ZNF420: variants seen among roughly 807,000 people sequenced by gnomAD.
ZNF420 encodes ATM and p53-associated KZNF protein.
Under a neutral mutation model 44.7 loss-of-function variants are expected in ZNF420, and 31 were observed. The ratio of observed to expected loss-of-function variants is 0.69; its 90% CI spans 0.52 to 0.94. The LOEUF is 0.94. Ranked by LOEUF, ZNF420 falls within the 40% of genes least tolerant of loss-of-function variation. The pLI, the probability that ZNF420 is intolerant of heterozygous loss-of-function variation, is 0.00. For missense variants in ZNF420, 681 were observed against 827.9 expected (o/e 0.82, Z 2.18); for synonymous variants, 245 against 267.4 (o/e 0.92, Z 0.82).
intron 4 of ZNF420, among the ~76,000 whole-genome samples, chr19:37,104,452 G>A (rs1340003359): frequency 2.0e-5 from 3 of 152,144 alleles, no homozygotes; most frequent in Admixed American, 1.3e-4. Context: ...ACATACGTGT[G>A]CATGTGTCTT....
chr19:37,104,125 C>T (rs2146617845), intron 4 of ZNF420, among the ~76,000 whole-genome samples: 1 of 151,226 alleles, frequency 6.6e-6, no homozygotes, highest in East Asian at 2.0e-4. Context: ...TGCTATTCCT[C>T]CCCCCTTCCC....
rs1971529740 is a variant in ZNF420, at chr19:37,129,152, CAT to C, written c.*96_*97del. The C allele has an allele frequency of 3.5e-6, 5 of 1,420,862 alleles. No homozygotes were observed. The highest frequency in any genetic ancestry group is 4.6e-5 in the East Asian group (2 of 43,606). 88.0% of individuals were successfully genotyped at this position (1,420,862 alleles called of 1,614,324 possible). On this transcript the variant is annotated 3_prime_UTR_variant, in exon 5 of 5. Coordinates refer to ENST00000337995, the MANE Select transcript of ZNF420 (RefSeq NM_144689.5). ...TGTGAATATGGGCGCACATTTGCCTCATAAAGCACAGCATCAGATAATTTATG... is the reference window on the plus strand; with the variant it reads ...TGTGAATATGGGCGCACATTTGCCTCAAAGCACAGCATCAGATAATTTATG...
At chr19:37,072,774 A>G (rs1157630839) in intron 1 of ZNF420, among the ~76,000 whole-genome samples, 1 of 152,258 alleles carries the variant, frequency 6.6e-6, no homozygotes, top group Non-Finnish European at 1.5e-5. Context: ...ATATGTTCCA[A>G]TTAAAATACA....
At position 37,130,018 on chromosome 19, in the gene ZNF420, T is replaced by C. The variant is rs1225838109; in HGVS notation, c.*960T>C. 1 of 1,528,172 alleles carries C rather than the reference T, an allele frequency of 6.5e-7. No individual in the cohort carries two copies. Among genetic ancestry groups the C allele is most frequent in the Non-Finnish European group, 8.8e-7 (1 of 1,135,864 alleles). 94.7% of individuals were successfully genotyped at this position (1,528,172 alleles called of 1,614,324 possible). ...ATTTTCTCTTTTTTAGTAACAAATT[T>C]CTGGGCTGAAAATCTCAGCCTTCCT... On this transcript the variant is annotated 3_prime_UTR_variant, in exon 5 of 5. Coordinates refer to ENST00000337995, the MANE Select transcript of ZNF420 (RefSeq NM_144689.5).
chr19:37,098,384 G>T (rs1969579562), intron 4 of ZNF420, among the ~76,000 whole-genome samples: 1 of 152,088 alleles, frequency 6.6e-6, no homozygotes, highest in South Asian at 2.1e-4. Flanking sequence ...GGTATCTATT[G>T]CCTTTTAGGA....
upstream of ZNF420, among the ~76,000 whole-genome samples, chr19:37,076,552 T>C (rs1189319768): frequency 6.6e-6 from 1 of 152,032 alleles, no homozygotes; most frequent in Non-Finnish European, 1.5e-5. Flanking sequence ...GGCCCCAGTG[T>C]GTGATGTTCC....
intron 1 of ZNF420, among the ~76,000 whole-genome samples, chr19:37,032,967 G>GA (rs1449444015): frequency 5.3e-5 from 8 of 152,122 alleles, no homozygotes; most frequent in South Asian, 2.1e-4. Context: ...AAGAGAATTA[G>GA]AAAAAATTAA....
chr19:37,088,918 C>G (rs1362056276), intron 2 of ZNF420, 121 bp from the exon 3 acceptor site: 2 of 593,846 alleles, frequency 3.4e-6, no homozygotes, highest in East Asian at 5.7e-5. Flanking sequence ...GTCTGTCCCC[C>G]TTAGTGTGTG....
At chr19:37,090,160 T>A (rs1249519821) in intron 3 of ZNF420, among the ~76,000 whole-genome samples, 1 of 152,226 alleles carries the variant, frequency 6.6e-6, no homozygotes, top group African/African-American at 2.4e-5. Context: ...GACATTGCAT[T>A]TATTTTATTC....
chr19:37,102,374 C>T (rs1304990570), intron 4 of ZNF420, among the ~76,000 whole-genome samples: 1 of 152,150 alleles, frequency 6.6e-6, no homozygotes, highest in East Asian at 1.9e-4. Context: ...GCACCCCCAG[C>T]TGAGGAGGCT....
At chr19:37,122,612 A>G (rs992384823) in intron 4 of ZNF420, among the ~76,000 whole-genome samples, 4 of 152,058 alleles carry the variant, frequency 2.6e-5, no homozygotes, top group Non-Finnish European at 5.9e-5. Flanking sequence ...TTAAAGTATA[A>G]TTTAAAAAAA....
At chr19:37,021,980 T>C (rs1227975605) in intron 1 of ZNF420, among the ~76,000 whole-genome samples, 1 of 119,874 alleles carries the variant, frequency 8.3e-6, no homozygotes, top group East Asian at 2.7e-4. Context: ...AAAAAATGAA[T>C]AGTTGTACAT....
At chr19:37,083,168 C>CT (rs754635723) in intron 2 of ZNF420, among the ~76,000 whole-genome samples, 5,331 of 137,240 alleles carry the variant, frequency 0.039, 299 homozygotes, top group African/African-American at 0.13. Context: ...CCCGTTTTTG[C>CT]TTTTTTTTTT....
chr19:37,020,508 G>T (rs577182884), intron 1 of ZNF420, among the ~76,000 whole-genome samples: 1 of 152,268 alleles, frequency 6.6e-6, no homozygotes, highest in East Asian at 1.9e-4. Flanking sequence ...TCGGCCAGAA[G>T]CCCCTCTCAG....
intron 1 of ZNF420, among the ~76,000 whole-genome samples, chr19:37,063,771 A>G (rs1967920104): frequency 6.6e-6 from 1 of 152,162 alleles, no homozygotes; most frequent in Non-Finnish European, 1.5e-5. Flanking sequence ...CTACATAACC[A>G]CAATCCAATT....
chr19:37,048,963 G>A (rs553755607), intron 1 of ZNF420, among the ~76,000 whole-genome samples: 1 of 148,890 alleles, frequency 6.7e-6, no homozygotes, highest in South Asian at 2.1e-4. Context: ...GAGAACATGT[G>A]GTGTTTGGTT....
intron 4 of ZNF420, among the ~76,000 whole-genome samples, chr19:37,123,867 C>G (rs1971201198): frequency 6.6e-6 from 1 of 152,060 alleles, no homozygotes; most frequent in Non-Finnish European, 1.5e-5. Flanking sequence ...CTCAGCCTCC[C>G]AAAGTGCTGG....
intron 1 of ZNF420, among the ~76,000 whole-genome samples, chr19:37,078,937 T>A (rs1382706326): frequency 6.6e-6 from 1 of 152,300 alleles, no homozygotes. Flanking sequence ...AAACCTGATA[T>A]CGTGGGATGG....
chr19:37,100,708 C>A (rs577820277), intron 4 of ZNF420, among the ~76,000 whole-genome samples: 45 of 114,220 alleles, frequency 3.9e-4, no homozygotes, highest in African/African-American at 1.8e-3. Flanking sequence ...AGCAAAACTC[C>A]ATCTCAAAAA....
Sources: gnomAD v4.1 joint callset for allele counts (sites outside exome capture counted in the v4.1 genomes callset) on GRCh38, gnomAD v4.1.1 for gene constraint, MANE v1.5 for transcripts, NCBI Gene and HGNC (gene_info 2026-07-23, HGNC 2026-07-21) for gene names.